WDR41: variants seen among roughly 807,000 people sequenced by gnomAD.
The protein encoded by WDR41 is WD repeat-containing protein 41.
A neutral mutation model predicts 69.3 loss-of-function variants in WDR41; 63 were observed. That is an observed-to-expected ratio of 0.91 (90% CI 0.74 to 1.12). The LOEUF (loss-of-function observed/expected upper bound fraction) is 1.12, where lower values mean the gene tolerates loss of function less well. Among genes scored for constraint, WDR41 ranks in the 50% most tolerant of loss-of-function variants. The pLI, the probability that WDR41 is intolerant of heterozygous loss-of-function variation, is 0.00. For missense variants in WDR41, 543 were observed against 534.5 expected (o/e 1.02, Z -0.16); for synonymous variants, 185 against 192.1 (o/e 0.96, Z 0.31).
At position 77,440,826 on chromosome 5, in the gene WDR41, G is replaced by C. The variant is rs773448442; in HGVS notation, c.869C>G (p.Thr290Arg). ...TACATTTTTTACCTCTTCATCACAT[G>C]TGAAATGATGAATAGAAATGTCATT... is the stretch of plus-strand genomic sequence containing the variant. ...KSNDISIHHF[T>R]CDEENVFAAV... The change falls in exon 9 of 13, where the codon ACA becomes AGA. Residue 290 changes from threonine (T) to arginine (R), a missense_variant. By Grantham distance (71) the Thr-to-Arg change is moderately conservative. Transcript: ENST00000296679. 1.1e-5 allele frequency: 17 copies of C among 1,614,072 alleles called. No individual in the cohort carries two copies. Among genetic ancestry groups the C allele is most frequent in the Non-Finnish European group, 1.4e-5 (17 of 1,179,976 alleles).
In WDR41 at chr5:77,594,181, C is replaced by T. The variant is rs190089357; in HGVS notation, c.42+26298G>A. On this transcript the variant is annotated intron_variant, in intron 1 of 5. Coordinates refer to the WDR41 transcript ENST00000509971. Reference sequence around the variant, plus strand: ...ATCGCAAGGACAAAAAACCAAACACCGCATGTTCTCACTCACAGGTGGGAA... The same window carrying T: ...ATCGCAAGGACAAAAAACCAAACACTGCATGTTCTCACTCACAGGTGGGAA... 4.7e-3 allele frequency among the ~76,000 whole-genome samples: 702 copies of T among 148,360 alleles called. 16 individuals are homozygous for T. The highest frequency in any genetic ancestry group is 0.042 in the Admixed American group (603 of 14,522).
intron 2 of WDR41, among the ~76,000 whole-genome samples, chr5:77,477,014 G>A (rs1800971526): frequency 6.8e-6 from 1 of 148,110 alleles, no homozygotes; most frequent in Admixed American, 6.7e-5. Context: ...AAAAGGCAGG[G>A]GTTGCAATCC....
At chr5:77,602,091 C>G (rs910375502) in intron 1 of WDR41, among the ~76,000 whole-genome samples, 23 of 152,202 alleles carry the variant, frequency 1.5e-4, no homozygotes, top group African/African-American at 5.5e-4. Flanking sequence ...TACCCATTAA[C>G]CAACCTCTCT....
chr5:77,517,482 C>T (rs544037380), intron 1 of WDR41, among the ~76,000 whole-genome samples: 12 of 152,232 alleles, frequency 7.9e-5, no homozygotes, highest in African/African-American at 2.9e-4. Flanking sequence ...GCTTAGTTCT[C>T]TGAACATGTG....
chr5:77,555,106 A>G (rs1329721635), intron 1 of WDR41, among the ~76,000 whole-genome samples: 1 of 152,036 alleles, frequency 6.6e-6, no homozygotes. Flanking sequence ...AAAAAATACA[A>G]GTATATAGAA....
At chr5:77,600,836 C>T (rs574381060) in intron 1 of WDR41, among the ~76,000 whole-genome samples, 8 of 151,788 alleles carry the variant, frequency 5.3e-5, no homozygotes, top group South Asian at 2.1e-4. Context: ...GCCGAGATAA[C>T]GCCACTGCAC....
rs141313794 is a variant in WDR41, at chr5:77,500,388, C to A, written c.43-10816G>T. Among the ~76,000 whole-genome samples the A allele has an allele frequency of 3.4e-3, 522 of 151,876 alleles. 4 individuals are homozygous for A. Among genetic ancestry groups the A allele is most frequent in the African/African-American group, 0.012 (491 of 41,444 alleles). On this transcript the variant is annotated intron_variant, in intron 1 of 5. Transcript: ENST00000509971. ...CTTAAATGGAGAAAATCAATAAAAC[C>A]AAAAGCTGGTGTTTAAAAAGATCAG...
chr5:77,440,541 C>T (rs1799116753), intron 9 of WDR41, among the ~76,000 whole-genome samples: 1 of 152,292 alleles, frequency 6.6e-6, no homozygotes, highest in Non-Finnish European at 1.5e-5. Flanking sequence ...TAAGCATTAA[C>T]CTCAAATCCA....
At chr5:77,556,522 G>A (rs933813974) in intron 1 of WDR41, among the ~76,000 whole-genome samples, 12 of 151,424 alleles carry the variant, frequency 7.9e-5, no homozygotes, top group East Asian at 5.9e-4. Flanking sequence ...ATTCTCCTAC[G>A]TGTAGCCCCC....
intron 1 of WDR41, among the ~76,000 whole-genome samples, chr5:77,542,472 T>C (rs766256894): frequency 8.6e-5 from 13 of 152,020 alleles, no homozygotes; most frequent in Middle Eastern, 3.2e-3. Context: ...AAAAATGCTG[T>C]AAAAAGAGAA....
At chr5:77,514,010 A>T (rs1353966852) in intron 1 of WDR41, among the ~76,000 whole-genome samples, 1 of 152,180 alleles carries the variant, frequency 6.6e-6, no homozygotes, top group Non-Finnish European at 1.5e-5. Flanking sequence ...TCTAAGAGTC[A>T]AAACTTCCCT....
At chr5:77,438,549 T>TA (rs1450102756) in intron 9 of WDR41, among the ~76,000 whole-genome samples, 188 bp from the exon 10 acceptor site, 1 of 152,130 alleles carries the variant, frequency 6.6e-6, no homozygotes, top group Non-Finnish European at 1.5e-5. Flanking sequence ...TCTGAGCATT[T>TA]AGAAGGTAGG....
intron 1 of WDR41, chr5:77,491,067 C>T (rs112148188): frequency 0.059 from 17,191 of 291,622 alleles, 1,034 homozygotes; most frequent in African/African-American, 0.15. Flanking sequence ...TGCACATATA[C>T]GCCCAGATGG....
intron 2 of WDR41, among the ~76,000 whole-genome samples, chr5:77,471,949 A>C (rs973808051): frequency 2.0e-5 from 3 of 152,236 alleles, no homozygotes; most frequent in Non-Finnish European, 2.9e-5. Flanking sequence ...CTGATACCAA[A>C]GCCGGGCAGA....
intron 5 of WDR41, among the ~76,000 whole-genome samples, chr5:77,456,744 C>T (rs1017119409): frequency 5.3e-5 from 8 of 152,046 alleles, no homozygotes; most frequent in Non-Finnish European, 1.2e-4. Context: ...CTCTATCGCC[C>T]AGGCTAGAGT....
At chr5:77,466,251 A>G (rs185704740) in intron 2 of WDR41, among the ~76,000 whole-genome samples, 1 of 152,100 alleles carries the variant, frequency 6.6e-6, no homozygotes, top group East Asian at 1.9e-4. Context: ...GAAAATGATC[A>G]TTTTTAAAAT....
At chr5:77,511,357 T>C (rs2112172802) in intron 1 of WDR41, among the ~76,000 whole-genome samples, 1 of 152,324 alleles carries the variant, frequency 6.6e-6, no homozygotes, top group East Asian at 1.9e-4. Flanking sequence ...TTGTAGATTT[T>C]GTGGAATTAA....
chr5:77,487,831 C>A (rs76107054), intron 2 of WDR41, among the ~76,000 whole-genome samples: 4,854 of 152,136 alleles, frequency 0.032, 110 homozygotes, highest in Middle Eastern at 0.1. Context: ...AGATTGAGTT[C>A]AATTATGTGA....
intron 1 of WDR41, among the ~76,000 whole-genome samples, chr5:77,539,642 GTTAC>G (rs151196168): frequency 0.017 from 2,623 of 152,288 alleles, 70 homozygotes; most frequent in African/African-American, 0.06. Context: ...CTGAGGACAA[GTTAC>G]TTAATCTCTC....
Sources: allele counts gnomAD v4.1 joint callset (sites outside exome capture counted in the v4.1 genomes callset), GRCh38; gene constraint gnomAD v4.1.1; transcripts MANE v1.5; gene names NCBI Gene and HGNC (gene_info 2026-07-23, HGNC 2026-07-21).